Variants in CDH20 observed in about 807,000 individuals in gnomAD.
The protein encoded by CDH20 is cadherin-20.
In CDH20, 29 loss-of-function variants were observed where a neutral mutation model predicts 74.2. The ratio of observed to expected loss-of-function variants is 0.39; its 90% CI spans 0.29 to 0.53. The LOEUF is 0.53. CDH20 is among the 20% of genes least tolerant of loss of function. The probability of loss-of-function intolerance (pLI) is 0.69; values close to 1 mark genes in which losing one functional copy is unlikely to be tolerated. For synonymous variants in CDH20, 469 were observed against 405.4 expected, an observed-to-expected ratio of 1.16 and a Z score of -1.88; for missense variants, 988 against 1,048.3, an observed-to-expected ratio of 0.94 and a Z score of 0.79.
intron 1 of CDH20, among the ~76,000 whole-genome samples, chr18:61,427,496 T>C (rs1913110941): frequency 2.0e-5 from 3 of 152,176 alleles, no homozygotes; most frequent in African/African-American, 7.2e-5. Context: ...GAGAACTAAC[T>C]ACAAACGTGG....
At position 61,555,302 on chromosome 18, in the gene CDH20, G is replaced by A; in HGVS notation, c.*607G>A. ...GTGGATGGGTGGGAGGGTGGGTGAA[G>A]GAAGAGACATTGACTTTATGCTCAA... On this transcript the variant is annotated 3_prime_UTR_variant, in exon 12 of 12. Coordinates refer to ENST00000262717, the MANE Select transcript of CDH20 (RefSeq NM_031891.4). The A allele has an allele frequency of 1.0e-6, 1 of 985,164 alleles. No homozygotes were observed. Among genetic ancestry groups the A allele is most frequent in the Admixed American group, 6.2e-5 (1 of 16,240 alleles). The allele number at this position is 985,164 out of a possible 1,614,324, so 61.0% of individuals were successfully genotyped here. A position where few individuals can be genotyped will look rare whatever the true frequency, so the allele number is the denominator to read the frequency against.
chr18:61,347,319 T>TATATATACAC (rs869054502), intron 1 of CDH20, among the ~76,000 whole-genome samples: 3 of 77,416 alleles, frequency 3.9e-5, no homozygotes, highest in Non-Finnish European at 7.0e-5. Flanking sequence ...TATATATATA[T>TATATATACAC]ACACACACAC....
rs567305193 is a variant in CDH20, at chr18:61,555,719, A to G, written c.*1024A>G. The G allele has an allele frequency of 2.4e-4, 225 of 956,822 alleles. No individual in the cohort carries two copies. The highest frequency in any genetic ancestry group is 2.7e-4 in the Non-Finnish European group (220 of 803,822). The allele number at this position is 956,822 out of a possible 1,614,324, so 59.3% of individuals were successfully genotyped here. A position where few individuals can be genotyped will look rare whatever the true frequency, so the allele number is the denominator to read the frequency against. On this transcript the variant is annotated 3_prime_UTR_variant, in exon 12 of 12. Transcript: ENST00000262717. Reference sequence around the variant, plus strand: ...TTTGTTAATAATTTTGGTAATAAATATGATGTACTGCATCTCAGTACCTTA... The same window carrying G: ...TTTGTTAATAATTTTGGTAATAAATGTGATGTACTGCATCTCAGTACCTTA...
intron 2 of CDH20, among the ~76,000 whole-genome samples, chr18:61,497,474 G>C (rs184357047): frequency 6.4e-4 from 98 of 152,302 alleles, no homozygotes; most frequent in African/African-American, 2.3e-3. Flanking sequence ...TTTACCATGA[G>C]ACTGTGCATA....
intron 1 of CDH20, among the ~76,000 whole-genome samples, chr18:61,488,814 C>A (rs749792066): frequency 4.6e-5 from 7 of 152,022 alleles, no homozygotes; most frequent in Non-Finnish European, 8.8e-5. Context: ...GTCATCAATT[C>A]GTTTCCTGGG....
At chr18:61,445,778 A>C (rs542654149) in intron 1 of CDH20, among the ~76,000 whole-genome samples, 2 of 152,110 alleles carry the variant, frequency 1.3e-5, no homozygotes, top group Non-Finnish European at 2.9e-5. Context: ...CTTTCTCACA[A>C]ATCTCCACTG....
At chr18:61,411,325 C>A (rs1450988795) in intron 1 of CDH20, among the ~76,000 whole-genome samples, 1 of 152,022 alleles carries the variant, frequency 6.6e-6, no homozygotes, top group Non-Finnish European at 1.5e-5. Context: ...ACTAGTACAG[C>A]CACTATGGAA....
intron 1 of CDH20, among the ~76,000 whole-genome samples, chr18:61,372,304 C>T (rs1256954089): frequency 6.6e-6 from 1 of 151,918 alleles, no homozygotes; most frequent in African/African-American, 2.4e-5. Flanking sequence ...CACAGAATAC[C>T]CATGCTAAAA....
chr18:61,542,026 C>T (rs1012780036), intron 9 of CDH20, among the ~76,000 whole-genome samples: 15 of 152,206 alleles, frequency 9.9e-5, no homozygotes, highest in African/African-American at 3.6e-4. Context: ...CAGCTCTGTG[C>T]CTCAGGCCCC....
intron 2 of CDH20, among the ~76,000 whole-genome samples, chr18:61,496,075 CCCCCCTCTCTCCTCCCTTCCTCT>C (rs1911133560): frequency 7.2e-5 from 1 of 13,940 alleles, no homozygotes; most frequent in Non-Finnish European, 1.8e-4. Flanking sequence ...CCCTTCCTCT[CCCCCCTCTCTCCTCCCTTCCTCT>C]CTCCTTCTCT....
At chr18:61,453,563 G>A (rs1246225323) in intron 1 of CDH20, among the ~76,000 whole-genome samples, 1 of 152,194 alleles carries the variant, frequency 6.6e-6, no homozygotes, top group Non-Finnish European at 1.5e-5. Context: ...ACAGGCGTGA[G>A]CCACCACGCC....
At chr18:61,376,024 G>A (rs551551722) in intron 1 of CDH20, among the ~76,000 whole-genome samples, 1 of 151,936 alleles carries the variant, frequency 6.6e-6, no homozygotes, top group Non-Finnish European at 1.5e-5. Context: ...ATAGTACATT[G>A]ACTGCTTAAA....
intron 1 of CDH20, among the ~76,000 whole-genome samples, chr18:61,483,204 C>A (rs997811451): frequency 2.6e-5 from 4 of 152,178 alleles, no homozygotes; most frequent in African/African-American, 9.7e-5. Context: ...CAGTCAGTCA[C>A]GTGCTAAGCA....
chr18:61,340,049 C>T (rs569006526), intron 1 of CDH20, among the ~76,000 whole-genome samples: 5 of 152,120 alleles, frequency 3.3e-5, no homozygotes, highest in African/African-American at 9.6e-5. Flanking sequence ...AACCATACAA[C>T]CACAACTCTG....
intron 1 of CDH20, among the ~76,000 whole-genome samples, chr18:61,360,190 C>T (rs1217215969): frequency 1.3e-5 from 2 of 152,166 alleles, no homozygotes; most frequent in Admixed American, 1.3e-4. Flanking sequence ...ATTTAACAAG[C>T]TCTTCAGACA....
At chr18:61,542,697 C>T (rs556538933) in intron 9 of CDH20, among the ~76,000 whole-genome samples, 1 of 152,148 alleles carries the variant, frequency 6.6e-6, no homozygotes, top group African/African-American at 2.4e-5. Flanking sequence ...TCATTTGGCT[C>T]ATGGTTCTAC....
At chr18:61,362,855 A>G (rs1599036986) in intron 1 of CDH20, among the ~76,000 whole-genome samples, 1 of 152,134 alleles carries the variant, frequency 6.6e-6, no homozygotes, top group African/African-American at 2.4e-5. Flanking sequence ...ACATATATAC[A>G]TGTTTAATTT....
intron 8 of CDH20, among the ~76,000 whole-genome samples, chr18:61,538,607 T>TC (rs1491068478): frequency 2.2e-5 from 1 of 45,530 alleles, no homozygotes; most frequent in Non-Finnish European, 4.4e-5. Context: ...TTTTTGTTTT[T>TC]GTTTTTGTTT....
rs1037849043 is a variant in CDH20, at chr18:61,438,923, T to C, written c.-152-51479T>C. 2.6e-5 allele frequency among the ~76,000 whole-genome samples: 4 copies of C among 152,116 alleles called. No homozygotes were observed. In the East Asian group the frequency reaches 5.8e-4, roughly 22 times the overall value. ...TATGCCATGGAATACTACCCAGCCA[T>C]AAATATGAATGAAAGCATGTCATTT... On this transcript the variant is annotated intron_variant, in intron 1 of 11. Coordinates refer to ENST00000262717, the MANE Select transcript of CDH20 (RefSeq NM_031891.4).
Sources: gnomAD v4.1 joint callset for allele counts (sites outside exome capture counted in the v4.1 genomes callset) on GRCh38, gnomAD v4.1.1 for gene constraint, MANE v1.5 for transcripts, NCBI Gene and HGNC (gene_info 2026-07-23, HGNC 2026-07-21) for gene names.